The following KIF3B variants were observed in gnomAD, a reference collection of about 807,000 sequenced individuals.
The protein encoded by KIF3B is kinesin family member 3B.
KIF3B carries 38 observed loss-of-function variants against 74.3 expected under a neutral mutation model. The ratio of observed to expected loss-of-function variants is 0.51; its 90% CI spans 0.39 to 0.67. The LOEUF (loss-of-function observed/expected upper bound fraction) is 0.67, where lower values mean the gene tolerates loss of function less well. Ranked by LOEUF, KIF3B falls within the 30% of genes least tolerant of loss-of-function variation. KIF3B has a pLI of 0.00. For synonymous variants in KIF3B, 326 were observed against 342.5 expected (o/e 0.95, Z 0.53); for missense variants, 649 against 932.0 (o/e 0.70, Z 3.95).
chr20:32,285,680 G>A (rs1229950113), intron 1 of KIF3B, among the ~76,000 whole-genome samples: 1 of 152,116 alleles, frequency 6.6e-6, no homozygotes, highest in Non-Finnish European at 1.5e-5. Context: ...GTAAAATAAA[G>A]ATATAGGACA....
At position 32,293,496 on chromosome 20, in the gene KIF3B, G is replaced by C. The variant is rs569854556; in HGVS notation, c.-66+15731G>C. ...TTGGTGGCATGTACCTGTAGTCCCA[G>C]CTACTGAGGAGGTTGAGGTGGGAAG... On this transcript the variant is annotated intron_variant, in intron 1 of 8. Transcript: ENST00000375712. Among the ~76,000 whole-genome samples the C allele has an allele frequency of 2.5e-4, 38 of 152,026 alleles. No individual in the cohort carries two copies. In the South Asian group the frequency reaches 3.3e-3, roughly 13 times the overall value.
intron 1 of KIF3B, among the ~76,000 whole-genome samples, chr20:32,306,656 C>T (rs1422708875): frequency 7.6e-6 from 1 of 132,348 alleles, no homozygotes; most frequent in Non-Finnish European, 1.5e-5. Flanking sequence ...GTGGTGCAAT[C>T]TCGGCTCACT....
intron 1 of KIF3B, among the ~76,000 whole-genome samples, chr20:32,302,634 T>G (rs2047749690): frequency 6.6e-6 from 1 of 152,198 alleles, no homozygotes; most frequent in Admixed American, 6.6e-5. Context: ...TGTCTCCCTG[T>G]CCTGCCCTGC....
At chr20:32,285,590 C>T (rs1305374427) in intron 1 of KIF3B, among the ~76,000 whole-genome samples, 1 of 152,146 alleles carries the variant, frequency 6.6e-6, no homozygotes, top group African/African-American at 2.4e-5. Flanking sequence ...AGGATTCTAT[C>T]AATTCTGCTA....
intron 1 of KIF3B, among the ~76,000 whole-genome samples, chr20:32,279,639 A>AT (rs1449585613): frequency 6.6e-6 from 1 of 151,786 alleles, no homozygotes; most frequent in Non-Finnish European, 1.5e-5. Context: ...CTAATTTTGT[A>AT]TTTTTAGTAG....
rs1187264463 is a variant in KIF3B at position 32,299,379 on chromosome 20, G to GTGTATATATATATA, written c.-65-10333_-65-10332insGTATATATATATAT. ...CTTGTAACTACTGAATGGTGTGTGT[G>GTGTATATATATATA]TATATATATATATATATATATATAT... On this transcript the variant is annotated intron_variant, in intron 1 of 8. Transcript: ENST00000375712. Among the ~76,000 whole-genome samples the GTGTATATATATATA allele has an allele frequency of 1.2e-3, 28 of 23,088 alleles. 1 individual carries two copies. Among genetic ancestry groups the GTGTATATATATATA allele is most frequent in the Admixed American group, 5.6e-3 (8 of 1,426 alleles). 15.1% of individuals were successfully genotyped at this position (23,088 alleles called of 152,430 possible). A position where few individuals can be genotyped will look rare whatever the true frequency, so the allele number is the denominator to read the frequency against.
chr20:32,278,537 C>T (rs144016885), intron 1 of KIF3B, among the ~76,000 whole-genome samples: 9 of 152,142 alleles, frequency 5.9e-5, no homozygotes, highest in African/African-American at 1.2e-4. Flanking sequence ...AGTGCCAGCT[C>T]ATATGGGTAG....
Position 32,310,377 on chromosome 20 carries a change from C to T in KIF3B, c.600C>T (p.Asn200=), listed in dbSNP as rs762187050. The T allele has an allele frequency of 1.9e-6, 3 of 1,614,204 alleles. No homozygotes were observed. In the South Asian group the frequency reaches 3.3e-5, roughly 18 times the overall value. ...ATGTGATGAATGTGGGGAACCAGAA[C>T]CGTTCTGTCGGTGCTACCAACATGA... ...IEHVMNVGNQ[N]RSVGATNMNE... is the part of the protein sequence containing the mutation. Residue 200 remains asparagine (N), a synonymous_variant, in exon 2 of 9, where the codon AAC becomes AAT. Coordinates refer to ENST00000375712, the MANE Select transcript of KIF3B (RefSeq NM_004798.4). This position sits in a 1 kb window ranked among gnomAD's most constrained non-coding sequence, Gnocchi z 6.5.
chr20:32,328,239 C>T (rs1344910821), intron 7 of KIF3B, among the ~76,000 whole-genome samples: 5 of 152,074 alleles, frequency 3.3e-5, no homozygotes, highest in East Asian at 1.9e-4. Flanking sequence ...GCCTGGCCAA[C>T]GTGGTGAAAC....
At chr20:32,297,462 G>A (rs965812899) in intron 1 of KIF3B, among the ~76,000 whole-genome samples, 6 of 152,274 alleles carry the variant, frequency 3.9e-5, no homozygotes, top group East Asian at 1.9e-4. Context: ...ATGTTTTTAC[G>A]TGTGTCTTTA....
At chr20:32,316,149 T>C in intron 2 of KIF3B, 69 bp from the exon 3 acceptor site, 1 of 913,034 alleles carries the variant, frequency 1.1e-6, no homozygotes, top group Admixed American at 1.8e-5. Context: ...TTTCACAGGC[T>C]CCCCTGTGAG....
At chr20:32,291,203 CA>C (rs1824527555) in intron 1 of KIF3B, among the ~76,000 whole-genome samples, 1 of 152,088 alleles carries the variant, frequency 6.6e-6, no homozygotes, top group African/African-American at 2.4e-5. Flanking sequence ...ATATAGTTAA[CA>C]CTACTGAACT....
chr20:32,308,260 G>A (rs1443231966), intron 1 of KIF3B, among the ~76,000 whole-genome samples: 1 of 152,182 alleles, frequency 6.6e-6, no homozygotes, highest in Admixed American at 6.5e-5. Context: ...GTTTCATTCT[G>A]TTGTGTAGGC....
In KIF3B at chr20:32,331,400, C is replaced by T. The variant is rs996925431; in HGVS notation, c.*81C>T. 12 of 1,146,676 alleles carry T rather than the reference C, an allele frequency of 1.0e-5. No homozygotes were observed. The highest frequency in any genetic ancestry group is 1.4e-5 in the Non-Finnish European group (11 of 784,616). 71.0% of individuals were successfully genotyped at this position (1,146,676 alleles called of 1,614,324 possible). ...CTAGCAAAAAGCTGCAGAGAGGATTCGGCCCAAACTCAGAACTGTTCCCCT... is the reference window on the plus strand; with the variant it reads ...CTAGCAAAAAGCTGCAGAGAGGATTTGGCCCAAACTCAGAACTGTTCCCCT... On this transcript the variant is annotated 3_prime_UTR_variant, in exon 9 of 9. Transcript: ENST00000375712.
intron 1 of KIF3B, among the ~76,000 whole-genome samples, chr20:32,283,809 C>A (rs112108277): frequency 6.6e-6 from 1 of 151,840 alleles, no homozygotes; most frequent in African/African-American, 2.4e-5. Context: ...GACTCCATCT[C>A]AAAAAAAAGA....
At chr20:32,309,670 A>G in intron 1 of KIF3B, 43 bp from the exon 2 acceptor site, 2 of 1,273,842 alleles carry the variant, frequency 1.6e-6, no homozygotes, top group Non-Finnish European at 2.1e-6. Flanking sequence ...GCAGGCTGCA[A>G]TGACAACGGT....
At chr20:32,301,308 G>A (rs1003084360) in intron 1 of KIF3B, among the ~76,000 whole-genome samples, 10 of 151,024 alleles carry the variant, frequency 6.6e-5, no homozygotes, top group African/African-American at 2.4e-4. Flanking sequence ...CAGGTGATAC[G>A]CCCGCCTCGG....
chr20:32,302,922 C>T (rs188258664), intron 1 of KIF3B, among the ~76,000 whole-genome samples: 10 of 152,314 alleles, frequency 6.6e-5, no homozygotes, highest in East Asian at 1.9e-4. Flanking sequence ...TTGTCCAACC[C>T]GCGGCCCAGG....
At chr20:32,306,581 CTTTTTTT>C (rs935086574) in intron 1 of KIF3B, among the ~76,000 whole-genome samples, 4 of 82,862 alleles carry the variant, frequency 4.8e-5, no homozygotes, top group South Asian at 4.7e-4. Flanking sequence ...AGTTTTTCCT[CTTTTTTT>C]TTTTTTTTTT....
Sources: gnomAD v4.1 joint callset for allele counts (sites outside exome capture counted in the v4.1 genomes callset) on GRCh38, gnomAD v4.1.1 for gene constraint, Gnocchi (gnomAD v3.1) non-coding constraint, MANE v1.5 for transcripts, NCBI Gene and HGNC (gene_info 2026-07-23, HGNC 2026-07-21) for gene names.